ARHGEF12: variants seen among roughly 807,000 people sequenced by gnomAD.
The protein encoded by ARHGEF12 is Rho guanine nucleotide exchange factor 12, also known as KMT2A/ARHGEF12 fusion protein.
In ARHGEF12, 66 loss-of-function variants were observed where a neutral mutation model predicts 211.2. That is an observed-to-expected ratio of 0.31 (90% CI 0.26 to 0.38). The LOEUF (loss-of-function observed/expected upper bound fraction) is 0.38, where lower values mean the gene tolerates loss of function less well. ARHGEF12 is among the 10% of genes least tolerant of loss of function. The pLI, the probability that ARHGEF12 is intolerant of heterozygous loss-of-function variation, is 1.00. For synonymous variants in ARHGEF12, 592 were observed against 638.4 expected, an observed-to-expected ratio of 0.93 and a Z score of 1.09; for missense variants, 1,429 against 1,869.5, an observed-to-expected ratio of 0.76 and a Z score of 4.34.
At chr11:120,412,016 T>G (rs1438871071) in intron 4 of ARHGEF12, among the ~76,000 whole-genome samples, 1 of 152,126 alleles carries the variant, frequency 6.6e-6, no homozygotes, top group Non-Finnish European at 1.5e-5. Flanking sequence ...AACCAAGTGT[T>G]TGCTTTGTAT....
intron 1 of ARHGEF12, among the ~76,000 whole-genome samples, chr11:120,380,606 G>C (rs1274787737): frequency 6.6e-6 from 1 of 152,166 alleles, no homozygotes; most frequent in African/African-American, 2.4e-5. Flanking sequence ...CCTCTCATCA[G>C]GGGTGCATGA....
intron 1 of ARHGEF12, among the ~76,000 whole-genome samples, chr11:120,371,530 T>C (rs1311751676): frequency 6.6e-6 from 1 of 152,188 alleles, no homozygotes; most frequent in Non-Finnish European, 1.5e-5. Context: ...CCTTAATACA[T>C]AAACTTATTA....
At chr11:120,463,806 C>A (rs1946613289) in intron 27 of ARHGEF12, 1 of 152,058 alleles carries the variant, frequency 6.6e-6, no homozygotes, top group South Asian at 2.1e-4. Context: ...TACAGGCGGG[C>A]TTTTTACAAA....
chr11:120,448,495 A>C (rs1565489679), intron 20 of ARHGEF12, 147 bp downstream of exon 20: 4 of 626,008 alleles, frequency 6.4e-6, no homozygotes, highest in Non-Finnish European at 5.5e-6. Context: ...TCTGTTCTCA[A>C]GAAACTCAAA....
intron 10 of ARHGEF12, 142 bp from the exon 11 acceptor site, chr11:120,431,629 T>C: frequency 1.2e-6 from 1 of 807,610 alleles, no homozygotes; most frequent in East Asian, 3.2e-5. Flanking sequence ...CGTAGAATTT[T>C]AAACATACTT....
intron 1 of ARHGEF12, among the ~76,000 whole-genome samples, chr11:120,351,997 C>CA (rs1942992676): frequency 6.6e-6 from 1 of 152,134 alleles, no homozygotes; most frequent in Non-Finnish European, 1.5e-5. Flanking sequence ...CTACTGGTCA[C>CA]AGTCGTTTGT....
At chr11:120,431,274 A>T (rs1945523884) in intron 10 of ARHGEF12, among the ~76,000 whole-genome samples, 1 of 152,134 alleles carries the variant, frequency 6.6e-6, no homozygotes, top group Non-Finnish European at 1.5e-5. Context: ...TGGGTGACAG[A>T]GCAAGACTCC....
intron 37 of ARHGEF12, among the ~76,000 whole-genome samples, chr11:120,478,861 A>G: frequency 6.6e-6 from 1 of 152,234 alleles, no homozygotes; most frequent in East Asian, 1.9e-4. Flanking sequence ...AGGAATAAGA[A>G]GAAACTGAGA....
chr11:120,380,386 C>T (rs1943844791), intron 1 of ARHGEF12, among the ~76,000 whole-genome samples: 1 of 152,150 alleles, frequency 6.6e-6, no homozygotes, highest in African/African-American at 2.4e-5. Context: ...TTAATGGCCT[C>T]TTTCTGTTCT....
intron 1 of ARHGEF12, among the ~76,000 whole-genome samples, chr11:120,363,016 C>T (rs1943320368): frequency 1.3e-5 from 2 of 152,172 alleles, no homozygotes; most frequent in African/African-American, 2.4e-5. Flanking sequence ...AGGAGAATGG[C>T]GTGAACTCGG....
chr11:120,435,512 CTTTTTT>C (rs61516865), intron 11 of ARHGEF12, among the ~76,000 whole-genome samples: 1 of 106,272 alleles, frequency 9.4e-6, no homozygotes. Flanking sequence ...CCCTGTCAAG[CTTTTTT>C]TTTTTTTTTT....
At chr11:120,484,007 G>A (rs371666954) in intron 39 of ARHGEF12, among the ~76,000 whole-genome samples, 2 of 151,940 alleles carry the variant, frequency 1.3e-5, no homozygotes, top group East Asian at 1.9e-4. Context: ...CACCTGCCTC[G>A]GCCTCCCAAA....
chr11:120,442,458 AT>A (rs1412534708), intron 15 of ARHGEF12, among the ~76,000 whole-genome samples: 1 of 135,662 alleles, frequency 7.4e-6, no homozygotes, highest in Admixed American at 7.2e-5. Flanking sequence ...ACACACACAT[AT>A]ATATACACAC....
intron 5 of ARHGEF12, among the ~76,000 whole-genome samples, chr11:120,421,413 C>G (rs1316719769): frequency 6.9e-6 from 1 of 145,248 alleles, no homozygotes; most frequent in Non-Finnish European, 1.5e-5. Context: ...AATGTAAAGT[C>G]TGACTTTACA....
intron 1 of ARHGEF12, among the ~76,000 whole-genome samples, chr11:120,398,091 A>C (rs935328873): frequency 6.6e-6 from 1 of 152,204 alleles, no homozygotes; most frequent in Non-Finnish European, 1.5e-5. Flanking sequence ...AGGAAACTAC[A>C]GTTTGGAAAA....
rs142313895 is a variant in ARHGEF12 at position 120,475,749 on chromosome 11, C to T, written c.3277+242C>T. On this transcript the variant is annotated intron_variant, in intron 33 of 40. Coordinates refer to ENST00000397843, the MANE Select transcript of ARHGEF12 (RefSeq NM_015313.3). ...AAATTTTTATGCTATTACTTTGGTT[C>T]TTTATGTTCAAATCATTGATAGATC... is the stretch of plus-strand genomic sequence containing the variant. 6.5e-3 allele frequency among the ~76,000 whole-genome samples: 988 copies of T among 152,152 alleles called. 9 individuals are homozygous for T. Among genetic ancestry groups the T allele is most frequent in the African/African-American group, 0.023 (936 of 41,498 alleles).
At chr11:120,410,038 G>A (rs1234133363) in intron 4 of ARHGEF12, 1 of 152,122 alleles carries the variant, frequency 6.6e-6, no homozygotes, top group East Asian at 1.9e-4. Context: ...CCTTTGAGAA[G>A]TTTCTCTGAA....
At chr11:120,460,106 CT>C (rs1284249348) in intron 26 of ARHGEF12, among the ~76,000 whole-genome samples, 1 of 152,190 alleles carries the variant, frequency 6.6e-6, no homozygotes, top group African/African-American at 2.4e-5. Context: ...TCATCTTGGA[CT>C]TTTGTGGACA....
At chr11:120,385,925 C>T (rs2135473278) in intron 1 of ARHGEF12, among the ~76,000 whole-genome samples, 1 of 152,050 alleles carries the variant, frequency 6.6e-6, no homozygotes, top group Middle Eastern at 3.4e-3. Context: ...CCCTTTGATA[C>T]CCAAGAGACC....
Sources: gnomAD v4.1 joint callset for allele counts (sites outside exome capture counted in the v4.1 genomes callset) on GRCh38, gnomAD v4.1.1 for gene constraint, MANE v1.5 for transcripts, NCBI Gene and HGNC (gene_info 2026-07-23, HGNC 2026-07-21) for gene names.